Variants in ACSM2A observed in about 807,000 individuals in gnomAD.
ACSM2A encodes acyl-coenzyme A synthetase ACSM2A, mitochondrial.
In ACSM2A, 72 loss-of-function variants were observed where a neutral mutation model predicts 76.6. That is an observed-to-expected ratio of 0.94 (90% CI 0.78 to 1.14). ACSM2A has a LOEUF of 1.14. ACSM2A is among the 50% of genes most tolerant of loss of function. The probability of loss-of-function intolerance (pLI) is 0.00; values close to 1 mark genes in which losing one functional copy is unlikely to be tolerated. For synonymous variants in ACSM2A, 249 were observed against 255.9 expected, an observed-to-expected ratio of 0.97 and a Z score of 0.26; for missense variants, 684 against 708.5, an observed-to-expected ratio of 0.97 and a Z score of 0.39.
chr16:20,471,251 A>T (rs2013375516), intron 5 of ACSM2A, 35 bp downstream of exon 5: 1 of 1,600,516 alleles, frequency 6.2e-7, no homozygotes, highest in African/African-American at 1.3e-5. Flanking sequence ...AGAGAATTAC[A>T]TGAGTTTTGG....
chr16:20,479,469 C>G (rs1237608513), intron 10 of ACSM2A, among the ~76,000 whole-genome samples: 1 of 152,176 alleles, frequency 6.6e-6, no homozygotes, highest in Non-Finnish European at 1.5e-5. Context: ...CAAAACCCTG[C>G]TCTACTATGT....
chr16:20,455,831 G>A (rs1422434285), intron 1 of ACSM2A, among the ~76,000 whole-genome samples: 1 of 151,530 alleles, frequency 6.6e-6, no homozygotes, highest in East Asian at 1.9e-4. Flanking sequence ...AACGGCCTAA[G>A]TACTCCATTT....
chr16:20,465,678 G>A lies in ACSM2A; in HGVS notation c.339G>A (p.Leu113=). The A allele has an allele frequency of 1.2e-6, 2 of 1,613,982 alleles. No homozygotes were observed. The highest frequency in any genetic ancestry group is 1.1e-5 in the South Asian group (1 of 91,076). ...GTGGGGATCGTGTGGCAGTGGTGCT[G>A]CCCCGAGTGCCTGAGTGGTGGCTGG... ...LQRGDRVAVV[L]PRVPEWWLVI... is the part of the protein sequence containing the mutation. The change falls in exon 3 of 14, where the codon CTG becomes CTA. Residue 113 remains leucine (L), a synonymous_variant. Transcript: ENST00000573854.
chr16:20,483,921 C>A (rs2014257649), intron 13 of ACSM2A, among the ~76,000 whole-genome samples: 1 of 151,974 alleles, frequency 6.6e-6, no homozygotes, highest in Admixed American at 6.5e-5. Context: ...TCTCTTTCAC[C>A]CTTTGACTCT....
chr16:20,484,808 G>A (rs554032164), intron 13 of ACSM2A, among the ~76,000 whole-genome samples: 3 of 152,290 alleles, frequency 2.0e-5, no homozygotes, highest in South Asian at 2.1e-4. Flanking sequence ...GCCCTGGGAA[G>A]GAGTGTGACC....
intron 1 of ACSM2A, among the ~76,000 whole-genome samples, chr16:20,451,916 G>A (rs2011776289): frequency 6.7e-6 from 1 of 149,228 alleles, no homozygotes; most frequent in Admixed American, 6.8e-5. Flanking sequence ...GGTGGTAACA[G>A]GGGGCTGGTA....
chr16:20,470,818 A>G, intron 4 of ACSM2A: 1 of 652,562 alleles, frequency 1.5e-6, no homozygotes. Flanking sequence ...TTTTGCAGAT[A>G]TAAAGTCAGA....
chr16:20,466,522 G>A (rs2013006896), intron 3 of ACSM2A, among the ~76,000 whole-genome samples: 1 of 152,174 alleles, frequency 6.6e-6, no homozygotes, highest in East Asian at 1.9e-4. Flanking sequence ...GTTGAAGGAT[G>A]GAGGATGTTT....
chr16:20,483,482 A>G (rs1342748969), intron 13 of ACSM2A, among the ~76,000 whole-genome samples: 6 of 143,928 alleles, frequency 4.2e-5, no homozygotes, highest in Non-Finnish European at 9.0e-5. Flanking sequence ...AGGCATGAGA[A>G]TCACTTGAAT....
chr16:20,480,941 C>A lies in ACSM2A; in HGVS notation c.1509+20C>A. ...GGAGAGGTGATGGGGAAGCAGTAGC[C>A]TGGGGGTGAACACATATGAACACAA... On this transcript the variant is annotated intron_variant, in intron 12 of 13. Transcript: ENST00000573854. The A allele has an allele frequency of 6.2e-7, 1 of 1,613,616 alleles. No individual in the cohort carries two copies. The highest frequency in any genetic ancestry group is 8.5e-7 in the Non-Finnish European group (1 of 1,179,776).
intron 6 of ACSM2A, among the ~76,000 whole-genome samples, chr16:20,474,564 C>T (rs1013345511): frequency 2.0e-5 from 3 of 152,224 alleles, no homozygotes; most frequent in East Asian, 1.9e-4. Flanking sequence ...ACTCAGTCTC[C>T]GGTACTCAGT....
rs533253599 is a variant in ACSM2A at position 20,487,550 on chromosome 16, C to T, written c.*872C>T. Reference sequence around the variant, plus strand: ...TCACCTGTGTGTGGCATCTACAGACCTTAGATCATAGCTGTGAGAACAACG... The same window carrying T: ...TCACCTGTGTGTGGCATCTACAGACTTTAGATCATAGCTGTGAGAACAACG... On this transcript the variant is annotated 3_prime_UTR_variant, in exon 14 of 14. Transcript: ENST00000573854. 1 of 152,294 alleles carries T rather than the reference C, an allele frequency of 6.6e-6. No individual in the cohort carries two copies. The highest frequency in any genetic ancestry group is 2.4e-5 in the African/African-American group (1 of 41,562). The allele number at this position is 152,294 out of a possible 1,614,324, so 9.4% of individuals were successfully genotyped here. A position where few individuals can be genotyped will look rare whatever the true frequency, so the allele number is the denominator to read the frequency against.
intron 2 of ACSM2A, among the ~76,000 whole-genome samples, chr16:20,464,178 T>C (rs2012814838): frequency 6.6e-6 from 1 of 152,236 alleles, no homozygotes; most frequent in Non-Finnish European, 1.5e-5. Flanking sequence ...CCTAAGACGT[T>C]CCGAACTTTT....
chr16:20,473,031 G>A (rs751181879), intron 6 of ACSM2A, among the ~76,000 whole-genome samples: 1 of 152,108 alleles, frequency 6.6e-6, no homozygotes, highest in Non-Finnish European at 1.5e-5. Context: ...TAGCAACAAA[G>A]CAATGAAAAT....
Position 20,482,942 on chromosome 16 carries a change from G to T in ACSM2A, c.1510-116G>T, listed in dbSNP as rs1178086154. The T allele has an allele frequency of 6.8e-6, 10 of 1,475,040 alleles. No individual in the cohort carries two copies. The East Asian group carries it at 1.9e-4, about 28-fold the overall frequency. 91.4% of individuals were successfully genotyped at this position (1,475,040 alleles called of 1,614,324 possible). ...TCCTTTTCCCTTGACCTGGATCACC[G>T]GGGGTGCAAATGAGGAGATACAAGG... On this transcript the variant is annotated intron_variant, in intron 12 of 13. Coordinates refer to ENST00000573854, the MANE Select transcript of ACSM2A (RefSeq NM_001308172.2).
At chr16:20,468,520 C>T (rs1455685065) in intron 3 of ACSM2A, among the ~76,000 whole-genome samples, 2 of 152,168 alleles carry the variant, frequency 1.3e-5, no homozygotes, top group African/African-American at 2.4e-5. Flanking sequence ...CCATCAAGCC[C>T]AGATAATTTT....
intron 8 of ACSM2A, chr16:20,477,121 A>C: frequency 1.9e-6 from 1 of 519,012 alleles, no homozygotes; most frequent in Non-Finnish European, 3.1e-6. Context: ...AGAGATTATA[A>C]TGTGATTGTT....
intron 12 of ACSM2A, chr16:20,481,359 A>G (rs1295001813): frequency 5.7e-6 from 1 of 173,946 alleles, no homozygotes; most frequent in Non-Finnish European, 1.2e-5. Flanking sequence ...AATATGTGGT[A>G]TATATACACA....
At chr16:20,464,973 AATAG>A (rs1049625136) in intron 2 of ACSM2A, among the ~76,000 whole-genome samples, 74 of 151,264 alleles carry the variant, frequency 4.9e-4, no homozygotes, top group South Asian at 2.6e-3. Context: ...AAAAAAAGTA[AATAG>A]ATAGAGATAC....
Sources: allele counts gnomAD v4.1 joint callset (sites outside exome capture counted in the v4.1 genomes callset), GRCh38; gene constraint gnomAD v4.1.1; transcripts MANE v1.5; gene names NCBI Gene and HGNC (gene_info 2026-07-23, HGNC 2026-07-21).